The following ZNF710 variants were observed in gnomAD, a reference collection of about 807,000 sequenced individuals.
ZNF710 encodes the protein zinc finger protein 710.
ZNF710 carries 13 observed loss-of-function variants against 50.6 expected under a neutral mutation model. The observed-to-expected ratio is 0.26, with a 90% CI of 0.17 to 0.41. The LOEUF (loss-of-function observed/expected upper bound fraction) is 0.41, where lower values mean the gene tolerates loss of function less well. ZNF710 is among the 10% of genes least tolerant of loss of function. ZNF710 has a pLI of 1.00. For missense variants in ZNF710, 721 were observed against 936.6 expected (o/e 0.77, Z 3.01); for synonymous variants, 383 against 397.0 (o/e 0.96, Z 0.42).
In ZNF710 at chr15:90,032,304, A is replaced by C. The variant is rs1252565645; in HGVS notation, c.-29+30690A>C. Among the ~76,000 whole-genome samples, 3 of 152,128 alleles carry C rather than the reference A, an allele frequency of 2.0e-5. No individual in the cohort carries two copies. In the East Asian group the frequency reaches 5.8e-4, roughly 29 times the overall value. On this transcript the variant is annotated intron_variant, in intron 1 of 4. Coordinates refer to ENST00000268154, the MANE Select transcript of ZNF710 (RefSeq NM_198526.4). Reference sequence around the variant, plus strand: ...TGAGCCACTGTGTCCAGCCACTGTGAATTTCTCATTAACAGAACGTTCTCT... The same window carrying C: ...TGAGCCACTGTGTCCAGCCACTGTGCATTTCTCATTAACAGAACGTTCTCT...
intron 1 of ZNF710, among the ~76,000 whole-genome samples, chr15:90,043,301 G>A (rs1899357896): frequency 1.3e-5 from 2 of 152,246 alleles, no homozygotes; most frequent in African/African-American, 2.4e-5. Context: ...GGCACCCAGG[G>A]GGCCGAGCTG....
rs893196444 is a variant in ZNF710, at chr15:90,001,613, G to A, written c.-30G>A. On this transcript the variant is annotated splice_region_variant and 5_prime_UTR_variant, in exon 1 of 5. Coordinates refer to ENST00000268154, the MANE Select transcript of ZNF710 (RefSeq NM_198526.4). ...AGCGCAGGAGCCGCGCCCGGACCCA[G>A]GGTGAGTGTCCCGCGCGGCCCCCCG... 2 of 144,706 alleles carry A rather than the reference G, an allele frequency of 1.4e-5. No individual in the cohort carries two copies. Among genetic ancestry groups the A allele is most frequent in the Non-Finnish European group, 3.1e-5 (2 of 64,998 alleles). The allele number at this position is 144,706 out of a possible 1,614,324, so 9.0% of individuals were successfully genotyped here. A position where few individuals can be genotyped will look rare whatever the true frequency, so the allele number is the denominator to read the frequency against.
chr15:90,015,321 G>C (rs1898422887), intron 1 of ZNF710, among the ~76,000 whole-genome samples: 1 of 152,178 alleles, frequency 6.6e-6, no homozygotes, highest in African/African-American at 2.4e-5. Flanking sequence ...TGTTGGTGGG[G>C]AACAGATACT....
intron 1 of ZNF710, among the ~76,000 whole-genome samples, chr15:90,030,984 A>C (rs1408790724): frequency 7.3e-6 from 1 of 137,032 alleles, no homozygotes; most frequent in Non-Finnish European, 1.5e-5. Flanking sequence ...CCGCCACTGC[A>C]CTCCAGCCTG....
chr15:90,038,153 A>G (rs1042746341), intron 1 of ZNF710, among the ~76,000 whole-genome samples: 1 of 152,072 alleles, frequency 6.6e-6, no homozygotes, highest in African/African-American at 2.4e-5. Context: ...ATGATTTTCT[A>G]TGTGTGCCAT....
intron 2 of ZNF710, among the ~76,000 whole-genome samples, chr15:90,071,676 A>ATTTTATTTTTTTTTTTTTTTT (rs1900390621): frequency 7.5e-6 from 1 of 133,732 alleles, no homozygotes; most frequent in African/African-American, 2.8e-5. Context: ...ATTTATTTTT[A>ATTTTATTTTTTTTTTTTTTTT]CTCTTTTTTT....
At position 90,074,003 on chromosome 15, in the gene ZNF710, A is replaced by AAC; in HGVS notation, c.1651-112_1651-111insCA. The AAC allele has an allele frequency of 5.8e-6, 7 of 1,214,240 alleles. 1 individual carries two copies. The highest frequency in any genetic ancestry group is 7.7e-6 in the Non-Finnish European group (7 of 905,972). 75.2% of individuals were successfully genotyped at this position (1,214,240 alleles called of 1,614,324 possible). A position where few individuals can be genotyped will look rare whatever the true frequency, so the allele number is the denominator to read the frequency against. ...AGAGTCTGTCTCAAAAAAAAAACAA[A>AAC]AAAAAAAAACAAAAGAATAGGATTC... On this transcript the variant is annotated intron_variant, in intron 3 of 4. Transcript: ENST00000268154.
At position 90,062,137 on chromosome 15, in the gene ZNF710, C is replaced by G. The variant is rs1336943206; in HGVS notation, c.-28-4973C>G. Among the ~76,000 whole-genome samples the G allele has an allele frequency of 6.6e-6, 1 of 151,092 alleles. No homozygotes were observed. The highest frequency in any genetic ancestry group is 2.4e-5 in the African/African-American group (1 of 40,972). On this transcript the variant is annotated intron_variant, in intron 1 of 4. Transcript: ENST00000268154. The surrounding 1 kb of genome is among the most constrained non-coding windows in gnomAD (Gnocchi z 5.6). ...GCCTTTGTTTCTTGGCCTCCACAGC[C>G]TCATTCTCTCTCCCTCCCCCTCACT...
chr15:89,999,824 A>G (rs1052040495), upstream of ZNF710, among the ~76,000 whole-genome samples: 1 of 151,884 alleles, frequency 6.6e-6, no homozygotes, highest in East Asian at 1.9e-4. Flanking sequence ...GGGAGAAGGG[A>G]CCCTTCAGTG....
At chr15:90,019,715 T>C (rs967585771) in intron 1 of ZNF710, among the ~76,000 whole-genome samples, 1 of 152,144 alleles carries the variant, frequency 6.6e-6, no homozygotes, top group Non-Finnish European at 1.5e-5. Context: ...CGCTTTACAA[T>C]GGGAGTGCGA....
chr15:90,009,118 A>G (rs970329192), intron 1 of ZNF710, among the ~76,000 whole-genome samples: 2 of 151,362 alleles, frequency 1.3e-5, no homozygotes, highest in Admixed American at 1.3e-4. Context: ...TGTCTTCTGG[A>G]TGGTACCTGA....
intron 1 of ZNF710, among the ~76,000 whole-genome samples, chr15:90,018,783 C>T (rs375932709): frequency 6.6e-6 from 1 of 152,208 alleles, no homozygotes; most frequent in East Asian, 1.9e-4. Context: ...TTCCTGTGCT[C>T]AGTAGGGCCT....
intron 1 of ZNF710, among the ~76,000 whole-genome samples, chr15:90,014,710 A>G (rs547772197): frequency 6.6e-6 from 1 of 152,214 alleles, no homozygotes; most frequent in East Asian, 1.9e-4. Context: ...AAAAATTAAT[A>G]TATTTGACCC....
Position 90,030,372 on chromosome 15 carries a change from C to T in ZNF710, c.-29+28758C>T, listed in dbSNP as rs1037753143. Among the ~76,000 whole-genome samples the T allele has an allele frequency of 6.2e-5, 9 of 145,646 alleles. No homozygotes were observed. In the South Asian group the frequency reaches 2.0e-3, roughly 32 times the overall value. On this transcript the variant is annotated intron_variant, in intron 1 of 4. Coordinates refer to ENST00000268154, the MANE Select transcript of ZNF710 (RefSeq NM_198526.4). ...AAAAAAAGAAAGAATTAGCTATCAG[C>T]TCCATTTTATAGATGAGGAAACTGA...
chr15:90,078,716 C>T (rs1344491383), intron 4 of ZNF710, among the ~76,000 whole-genome samples: 1 of 152,206 alleles, frequency 6.6e-6, no homozygotes, highest in African/African-American at 2.4e-5. Flanking sequence ...ACAGGACAGC[C>T]TCACAACAAA....
chr15:90,003,653 C>G (rs1251052824), intron 1 of ZNF710, among the ~76,000 whole-genome samples: 1 of 152,204 alleles, frequency 6.6e-6, no homozygotes, highest in Non-Finnish European at 1.5e-5. Context: ...ATGGGGCTAT[C>G]TGGTTTTGAC....
chr15:90,061,901 T>TA (rs1280395421), intron 1 of ZNF710, among the ~76,000 whole-genome samples: 7 of 152,140 alleles, frequency 4.6e-5, no homozygotes, highest in African/African-American at 1.7e-4. Context: ...GGCAAAGCCG[T>TA]AGGTGAAGTC....
At chr15:90,065,074 A>AC (rs1328385933) in intron 1 of ZNF710, among the ~76,000 whole-genome samples, 1 of 150,562 alleles carries the variant, frequency 6.6e-6, no homozygotes, top group Non-Finnish European at 1.5e-5. Flanking sequence ...ATGCACCCTG[A>AC]CCCCCCAGGC....
chr15:90,053,007 T>TC (rs146272173), intron 1 of ZNF710, among the ~76,000 whole-genome samples: 16,467 of 152,254 alleles, frequency 0.11, 1,051 homozygotes, highest in African/African-American at 0.15. Flanking sequence ...TTGTGCCTGG[T>TC]CCATAATATG....
Sources: gnomAD v4.1 joint callset for allele counts (sites outside exome capture counted in the v4.1 genomes callset) on GRCh38, gnomAD v4.1.1 for gene constraint, Gnocchi (gnomAD v3.1) non-coding constraint, MANE v1.5 for transcripts, NCBI Gene and HGNC (gene_info 2026-07-23, HGNC 2026-07-21) for gene names.